ALK: variants seen among roughly 807,000 people sequenced by gnomAD.
ALK encodes the protein ALK tyrosine kinase receptor.
Under a neutral mutation model 163.1 loss-of-function variants are expected in ALK, and 74 were observed. The observed-to-expected ratio is 0.45, with a 90% confidence interval of 0.38 to 0.55. ALK has a LOEUF of 0.55. ALK is among the 20% of genes least tolerant of loss of function. The pLI is 0.00. For synonymous variants in ALK, 960 were observed against 843.2 expected, an observed-to-expected ratio of 1.14 and a Z score of -2.40; for missense variants, 2,063 against 2,105.3, an observed-to-expected ratio of 0.98 and a Z score of 0.39.
intron 1 of ALK, among the ~76,000 whole-genome samples, chr2:29,736,275 G>A (rs1310703070): frequency 1.3e-5 from 2 of 152,002 alleles, no homozygotes; most frequent in Non-Finnish European, 2.9e-5. Context: ...TGCCTGGAAG[G>A]AAATGCACCA....
At chr2:29,660,013 A>G (rs1345120113) in intron 3 of ALK, among the ~76,000 whole-genome samples, 1 of 152,146 alleles carries the variant, frequency 6.6e-6, no homozygotes, top group Non-Finnish European at 1.5e-5. Context: ...TTAAAAAGTG[A>G]TACCCCACTT....
At chr2:29,367,969 G>T (rs569152859) in intron 5 of ALK, among the ~76,000 whole-genome samples, 34 of 152,042 alleles carry the variant, frequency 2.2e-4, no homozygotes, top group African/African-American at 8.2e-4. Flanking sequence ...ATAGTTTCCC[G>T]TGCCGCACCA....
intron 1 of ALK, among the ~76,000 whole-genome samples, chr2:29,746,055 A>T (rs1680199785): frequency 6.6e-6 from 1 of 152,204 alleles, no homozygotes; most frequent in Non-Finnish European, 1.5e-5. Context: ...ACTGTTCCTT[A>T]CAACAACCCT....
chr2:29,612,948 C>T (rs2148222727), intron 3 of ALK, among the ~76,000 whole-genome samples: 1 of 152,204 alleles, frequency 6.6e-6, no homozygotes, highest in East Asian at 1.9e-4. Context: ...GGAATCAAAA[C>T]AAAAAATAAA....
At chr2:29,373,579 T>G (rs1238891095) in intron 5 of ALK, among the ~76,000 whole-genome samples, 1 of 152,274 alleles carries the variant, frequency 6.6e-6, no homozygotes, top group Non-Finnish European at 1.5e-5. Flanking sequence ...ATCGAATATT[T>G]AAAATAGTTG....
At chr2:29,585,567 A>G (rs560520840) in intron 3 of ALK, among the ~76,000 whole-genome samples, 57 of 152,262 alleles carry the variant, frequency 3.7e-4, no homozygotes, top group South Asian at 1.0e-3. Flanking sequence ...ACCTCAGGTG[A>G]TCCACCTGCC....
At chr2:29,399,017 C>G (rs1669378860) in intron 4 of ALK, among the ~76,000 whole-genome samples, 1 of 152,164 alleles carries the variant, frequency 6.6e-6, no homozygotes, top group South Asian at 2.1e-4. Flanking sequence ...CTGCAAGAGT[C>G]TCTGGCTTTG....
At chr2:29,383,040 T>C (rs973964962) in intron 5 of ALK, among the ~76,000 whole-genome samples, 8 of 152,128 alleles carry the variant, frequency 5.3e-5, no homozygotes, top group East Asian at 1.9e-4. Flanking sequence ...CTGTGGGACA[T>C]GGGCCTTCAA....
chr2:29,193,518 T>G lies in ALK; in HGVS notation c.4569A>C (p.Ala1523=). The change falls in exon 29 of 29, where the codon GCA becomes GCC. Residue 1523 remains alanine (A), a synonymous_variant. Transcript: ENST00000389048. ...TACCCCTGTCGTGTGGCTCCTTCTT[T>G]GCTATAGGATTATTCTTTTTGGTGG... is the stretch of plus-strand genomic sequence containing the variant. ...EKPTKKNNPI[A]KKEPHDRGNL... The G allele has an allele frequency of 6.2e-7, 1 of 1,614,170 alleles. No individual in the cohort carries two copies. The highest frequency in any genetic ancestry group is 8.5e-7 in the Non-Finnish European group (1 of 1,180,038).
chr2:29,604,579 C>T (rs973939951), intron 3 of ALK, among the ~76,000 whole-genome samples: 4 of 152,090 alleles, frequency 2.6e-5, no homozygotes, highest in African/African-American at 9.7e-5. Flanking sequence ...ATAAAAGATG[C>T]TTTGTTAAAA....
At chr2:29,372,967 G>C (rs1265595633) in intron 5 of ALK, among the ~76,000 whole-genome samples, 2 of 152,020 alleles carry the variant, frequency 1.3e-5, no homozygotes, top group Non-Finnish European at 2.9e-5. Context: ...ATTTATCTGG[G>C]TCCACCCTGT....
chr2:29,202,908 C>G (rs936050603), intron 26 of ALK, among the ~76,000 whole-genome samples: 1 of 152,162 alleles, frequency 6.6e-6, no homozygotes, highest in South Asian at 2.1e-4. Flanking sequence ...CATCTTCTCT[C>G]TAATGTATTT....
At chr2:29,736,486 C>T (rs1042141946) in intron 1 of ALK, among the ~76,000 whole-genome samples, 1 of 151,682 alleles carries the variant, frequency 6.6e-6, no homozygotes, top group Non-Finnish European at 1.5e-5. Flanking sequence ...GACAAAGTAA[C>T]TTATATTTTA....
intron 11 of ALK, among the ~76,000 whole-genome samples, chr2:29,267,410 CTG>C (rs1210153260): frequency 1.3e-5 from 2 of 152,240 alleles, no homozygotes; most frequent in Non-Finnish European, 2.9e-5. Context: ...GTTATAGCCA[CTG>C]TGTTTACGGT....
Position 29,465,510 on chromosome 2 carries a change from A to G in ALK, c.1154+66405T>C, listed in dbSNP as rs559983460. Among the ~76,000 whole-genome samples, 18 of 152,246 alleles carry G rather than the reference A, an allele frequency of 1.2e-4. No individual in the cohort carries two copies. In the South Asian group the frequency reaches 3.5e-3, roughly 30 times the overall value. Reference sequence around the variant, plus strand: ...GGAGTTTGAGACCAGCCTGGCCAACATGGTGAAACTCTGTCTCTACTAAAA... The same window carrying G: ...GGAGTTTGAGACCAGCCTGGCCAACGTGGTGAAACTCTGTCTCTACTAAAA... On this transcript the variant is annotated intron_variant, in intron 4 of 28. Transcript: ENST00000389048.
intron 4 of ALK, among the ~76,000 whole-genome samples, chr2:29,385,441 T>C (rs1354287876): frequency 6.7e-6 from 1 of 149,336 alleles, no homozygotes; most frequent in Non-Finnish European, 1.5e-5. Flanking sequence ...CAGACTGGAG[T>C]GCAGTGGTGT....
At chr2:29,399,104 G>T (rs1302731976) in intron 4 of ALK, among the ~76,000 whole-genome samples, 1 of 152,282 alleles carries the variant, frequency 6.6e-6, no homozygotes. Context: ...TTACATTAGC[G>T]CCTGCCATCC....
chr2:29,295,233 T>C (rs993850127), intron 9 of ALK, among the ~76,000 whole-genome samples: 13 of 152,210 alleles, frequency 8.5e-5, no homozygotes, highest in African/African-American at 2.9e-4. Flanking sequence ...CGAAGTCTCC[T>C]TCAAATGAAA....
chr2:29,678,346 T>A (rs1289182888), intron 3 of ALK, among the ~76,000 whole-genome samples: 1 of 151,888 alleles, frequency 6.6e-6, no homozygotes, highest in Non-Finnish European at 1.5e-5. Context: ...TTACATCGCA[T>A]GTTTTCATTG....
Sources: allele counts gnomAD v4.1 joint callset (sites outside exome capture counted in the v4.1 genomes callset), GRCh38; gene constraint gnomAD v4.1.1; transcripts MANE v1.5; gene names NCBI Gene and HGNC (gene_info 2026-07-23, HGNC 2026-07-21).